Variants in PXYLP1 observed in about 807,000 individuals in gnomAD.
The protein encoded by PXYLP1 is 2-phosphoxylose phosphatase 1, also known as acid phosphatase-like 2.
A neutral mutation model predicts 37.9 loss-of-function variants in PXYLP1; 17 were observed. The observed-to-expected ratio is 0.45, with a 90% CI of 0.31 to 0.67. The LOEUF (loss-of-function observed/expected upper bound fraction) is 0.67. Among genes scored for constraint, PXYLP1 ranks in the 30% least tolerant of loss-of-function variants. The pLI, the probability that PXYLP1 is intolerant of heterozygous loss-of-function variation, is 0.07. For synonymous variants in PXYLP1, 221 were observed against 232.2 expected (o/e 0.95, Z 0.44); for missense variants, 511 against 612.0 (o/e 0.84, Z 1.74).
intron 4 of PXYLP1, among the ~76,000 whole-genome samples, chr3:141,283,116 G>A (rs1031923514): frequency 6.6e-6 from 1 of 151,222 alleles, no homozygotes; most frequent in Non-Finnish European, 1.5e-5. Flanking sequence ...ACAGGCACGC[G>A]CCACCATGCC....
At chr3:141,262,735 C>T (rs1249490016) in intron 2 of PXYLP1, 2 of 1,514,616 alleles carry the variant, frequency 1.3e-6, no homozygotes, top group East Asian at 2.5e-5. Flanking sequence ...TAAACTGTAA[C>T]TTTGGAATTT....
At position 141,292,304 on chromosome 3, in the gene PXYLP1, G is replaced by A; in HGVS notation, c.542G>A (p.Arg181Lys). Reference sequence around the variant, plus strand: ...CATTTGCAGAACGGTCAGCTGCTGAGGGATATCTATCTAAAGAAACACAAA... The same window carrying A: ...CATTTGCAGAACGGTCAGCTGCTGAAGGATATCTATCTAAAGAAACACAAA... ...VQHLQNGQLL[R>K]DIYLKKHKLL... Residue 181 changes from arginine to lysine, a missense_variant, in exon 6 of 6, where the codon AGG becomes AAG. Transcript: ENST00000286353. The surrounding 1 kb of genome is among the most constrained non-coding windows in gnomAD (Gnocchi z 4.3). 6.2e-7 allele frequency: 1 copy of A among 1,610,112 alleles called. No homozygotes were observed. Among genetic ancestry groups the A allele is most frequent in the Non-Finnish European group, 8.5e-7 (1 of 1,178,020 alleles).
At chr3:141,261,331 T>A (rs772560047) in intron 2 of PXYLP1, among the ~76,000 whole-genome samples, 41 of 152,168 alleles carry the variant, frequency 2.7e-4, no homozygotes, top group Non-Finnish European at 5.3e-4. Context: ...TTTTTTGTAT[T>A]TTTATAGCGA....
chr3:141,247,798 A>G (rs192707459), intron 1 of PXYLP1, among the ~76,000 whole-genome samples: 5 of 152,328 alleles, frequency 3.3e-5, no homozygotes, highest in South Asian at 4.1e-4. Flanking sequence ...TTTTATTATG[A>G]TAATACAGAA....
intron 5 of PXYLP1, among the ~76,000 whole-genome samples, chr3:141,288,832 G>C (rs1559897613): frequency 6.6e-6 from 1 of 152,188 alleles, no homozygotes; most frequent in Non-Finnish European, 1.5e-5. Flanking sequence ...GGAGGTCAAG[G>C]CTGCAGTGAA....
Position 141,250,800 on chromosome 3 carries a change from C to T in PXYLP1, c.-53-9323C>T, listed in dbSNP as rs575673747. 1.2e-4 allele frequency among the ~76,000 whole-genome samples: 19 copies of T among 152,302 alleles called. 2 individuals are homozygous for T. The South Asian group carries it at 3.9e-3, about 32-fold the overall frequency. ...GCTTGGAGTTGCTGAATCAACTAGCCTTGGAGCTGCTGTCCTAATACTATG... is the reference window on the plus strand; with the variant it reads ...GCTTGGAGTTGCTGAATCAACTAGCTTTGGAGCTGCTGTCCTAATACTATG... On this transcript the variant is annotated intron_variant, in intron 1 of 5. Coordinates refer to ENST00000286353, the MANE Select transcript of PXYLP1 (RefSeq NM_001037172.3).
chr3:141,275,092 T>A (rs900816824), intron 2 of PXYLP1, among the ~76,000 whole-genome samples: 1 of 152,176 alleles, frequency 6.6e-6, no homozygotes, highest in African/African-American at 2.4e-5. Flanking sequence ...GAACTGATGC[T>A]ATGTCCTGGT....
intron 4 of PXYLP1, among the ~76,000 whole-genome samples, chr3:141,280,431 G>T (rs1437414927): frequency 6.6e-6 from 1 of 152,230 alleles, no homozygotes; most frequent in African/African-American, 2.4e-5. Context: ...GAGAGGTTCA[G>T]TTCCTAGGGA....
At chr3:141,284,540 A>G (rs1024860241) in intron 4 of PXYLP1, among the ~76,000 whole-genome samples, 4 of 152,212 alleles carry the variant, frequency 2.6e-5, no homozygotes, top group Non-Finnish European at 5.9e-5. Flanking sequence ...ACAGTCATCC[A>G]TAGAGGATTG....
intron 1 of PXYLP1, among the ~76,000 whole-genome samples, chr3:141,249,028 G>A (rs553514796): frequency 1.2e-4 from 18 of 152,076 alleles, no homozygotes; most frequent in African/African-American, 4.3e-4. Context: ...CACCAGCAGT[G>A]GCTACACACA....
intron 2 of PXYLP1, among the ~76,000 whole-genome samples, chr3:141,268,196 AGAGAGAGAGAGTGTGT>A (rs767900230): frequency 0.046 from 2,545 of 55,740 alleles, 26 homozygotes; most frequent in South Asian, 0.11. Context: ...AGAGAGAGAG[AGAGAGAGAGAGTGTGT>A]GTGTGTGTGT....
chr3:141,290,941 GGAATCTAATGTT>G (rs1200388782), intron 5 of PXYLP1, among the ~76,000 whole-genome samples: 2 of 152,136 alleles, frequency 1.3e-5, no homozygotes, highest in Non-Finnish European at 2.9e-5. Flanking sequence ...GGTGAGACAC[GGAATCTAATGTT>G]TGTCTCTCAC....
In PXYLP1 at chr3:141,278,511, CTG is replaced by C. The variant is rs1333778816; in HGVS notation, c.238+14_238+15del. ...AGCGCAGCATGGAAGGTAGGCCTGA[CTG>C]TGCCACCAGGACAGATACCCCTTTG... On this transcript the variant is annotated intron_variant, in intron 3 of 5. Transcript: ENST00000286353. 5 of 1,614,010 alleles carry C rather than the reference CTG, an allele frequency of 3.1e-6. No homozygotes were observed. Among genetic ancestry groups the C allele is most frequent in the Non-Finnish European group, 3.4e-6 (4 of 1,179,902 alleles).
intron 1 of PXYLP1, among the ~76,000 whole-genome samples, chr3:141,240,409 C>G (rs1940766439): frequency 6.6e-6 from 1 of 152,082 alleles, no homozygotes. Flanking sequence ...GACTCAGGCT[C>G]TCAAGGCTGC....
intron 2 of PXYLP1, among the ~76,000 whole-genome samples, chr3:141,261,620 G>A (rs1467473912): frequency 6.6e-6 from 1 of 152,146 alleles, no homozygotes. Flanking sequence ...GAGCCACCAC[G>A]CCCGGCCCCC....
intron 2 of PXYLP1, chr3:141,262,216 T>C (rs1164660186): frequency 1.1e-6 from 1 of 921,086 alleles, no homozygotes; most frequent in Non-Finnish European, 1.3e-6. Flanking sequence ...GTAAAAAGAA[T>C]TTAAAATACT....
At chr3:141,287,887 T>C (rs916718104) in intron 5 of PXYLP1, among the ~76,000 whole-genome samples, 1 of 152,284 alleles carries the variant, frequency 6.6e-6, no homozygotes, top group Non-Finnish European at 1.5e-5. Flanking sequence ...ACATCATTTA[T>C]GATAGCGCCA....
At chr3:141,251,714 C>T (rs11713226) in intron 1 of PXYLP1, among the ~76,000 whole-genome samples, 33,427 of 152,142 alleles carry the variant, frequency 0.22, 5,042 homozygotes, top group African/African-American at 0.43. Flanking sequence ...GAGCCTTTTG[C>T]CCCTCGGACC....
In PXYLP1 at chr3:141,248,030, T is replaced by TTG. The variant is rs576530980; in HGVS notation, c.-53-12092_-53-12091insGT. Among the ~76,000 whole-genome samples, 850 of 149,186 alleles carry TTG rather than the reference T, an allele frequency of 5.7e-3. 2 individuals carry two copies. The highest frequency in any genetic ancestry group is 8.4e-3 in the Non-Finnish European group (567 of 67,194). ...TTTAAGAGTTTTTGTTTTGTTTTTT[T>TTG]TTTTTTTTTTGAGATGGAGTCCCAC... On this transcript the variant is annotated intron_variant, in intron 1 of 5. Transcript: ENST00000286353.
Sources: gnomAD v4.1 joint callset for allele counts (sites outside exome capture counted in the v4.1 genomes callset) on GRCh38, gnomAD v4.1.1 for gene constraint, Gnocchi (gnomAD v3.1) non-coding constraint, MANE v1.5 for transcripts, NCBI Gene and HGNC (gene_info 2026-07-23, HGNC 2026-07-21) for gene names.